The following AFTPH variants were observed in gnomAD, a reference collection of about 807,000 sequenced individuals.
AFTPH encodes aftiphilin protein.
AFTPH carries 7 observed loss-of-function variants against 72.5 expected under a neutral mutation model. The observed-to-expected ratio is 0.10, with a 90% CI of 0.05 to 0.18. AFTPH has a LOEUF of 0.18. Among genes scored for constraint, AFTPH ranks in the 10% least tolerant of loss-of-function variants. The pLI, the probability that AFTPH is intolerant of heterozygous loss-of-function variation, is 1.00. For missense variants in AFTPH, 979 were observed against 1,060.5 expected (o/e 0.92, Z 1.07); for synonymous variants, 337 against 370.1 (o/e 0.91, Z 1.03).
intron 1 of AFTPH, among the ~76,000 whole-genome samples, chr2:64,548,159 C>T (rs1330294341): frequency 5.7e-4 from 83 of 144,530 alleles, no homozygotes; most frequent in African/African-American, 1.9e-3. Flanking sequence ...TTTGGGAGGC[C>T]GAGGCGGGTG....
At chr2:64,585,535 A>G in exon 8 of AFTPH, 3 of 1,609,174 alleles carry the variant, frequency 1.9e-6, no homozygotes, top group Non-Finnish European at 2.5e-6. Flanking sequence ...GAAGACAAGC[A>G]CATCTACCAG....
intron 1 of AFTPH, among the ~76,000 whole-genome samples, chr2:64,549,211 T>A (rs1330397317): frequency 1.3e-5 from 2 of 152,122 alleles, no homozygotes; most frequent in Non-Finnish European, 2.9e-5. Flanking sequence ...GTAAACATTT[T>A]CCTCATGTAT....
intron 1 of AFTPH, among the ~76,000 whole-genome samples, chr2:64,526,912 A>G (rs976375911): frequency 3.3e-5 from 5 of 152,240 alleles, no homozygotes; most frequent in African/African-American, 9.6e-5. Flanking sequence ...ACTGAGGCAC[A>G]CAGATACTAA....
intron 1 of AFTPH, among the ~76,000 whole-genome samples, chr2:64,546,768 C>G (rs918713200): frequency 6.6e-6 from 1 of 152,056 alleles, no homozygotes; most frequent in Admixed American, 6.5e-5. Flanking sequence ...GGCATGGTGG[C>G]TCACGCCTGT....
rs776530763 is a variant in AFTPH at position 64,569,673 on chromosome 2, A to G, written c.2265A>G (p.Ala755=). Residue 755 remains alanine, a synonymous_variant, in exon 5 of 9, where the codon GCA becomes GCG. Transcript: ENST00000238856. ...CTGTTATAGTGCCCATGTATGCAGCAGGATTGGTAAGTACAAAAATCTCTC... is the reference window on the plus strand; with the variant it reads ...CTGTTATAGTGCCCATGTATGCAGCGGGATTGGTAAGTACAAAAATCTCTC... 26 of 1,613,638 alleles carry G rather than the reference A, an allele frequency of 1.6e-5. No homozygotes were observed. The Admixed American group carries it at 3.7e-4, about 23-fold the overall frequency.
chr2:64,584,185 T>A (rs1041776151), intron 7 of AFTPH, among the ~76,000 whole-genome samples: 19 of 149,056 alleles, frequency 1.3e-4, no homozygotes, highest in Admixed American at 5.4e-4. Context: ...GGATTAAAAA[T>A]TTTTTTTTTT....
intron 3 of AFTPH, among the ~76,000 whole-genome samples, chr2:64,568,865 G>A (rs951769795): frequency 4.5e-4 from 69 of 152,168 alleles, no homozygotes; most frequent in African/African-American, 1.5e-3. Flanking sequence ...GCCTGCCTCG[G>A]CCTCCCAAAT....
intron 6 of AFTPH, among the ~76,000 whole-genome samples, chr2:64,578,275 G>T (rs1020685206): frequency 6.6e-6 from 1 of 152,020 alleles, no homozygotes; most frequent in East Asian, 1.9e-4. Flanking sequence ...AAAATATAAA[G>T]TTTTAACAGT....
intron 5 of AFTPH, among the ~76,000 whole-genome samples, chr2:64,572,627 A>G (rs1672508929): frequency 6.6e-6 from 1 of 152,288 alleles, no homozygotes; most frequent in Non-Finnish European, 1.5e-5. Context: ...GTCTTGCTTT[A>G]AAAACTTTTG....
At chr2:64,536,183 G>A (rs1669873488) in intron 1 of AFTPH, among the ~76,000 whole-genome samples, 1 of 152,150 alleles carries the variant, frequency 6.6e-6, no homozygotes, top group South Asian at 2.1e-4. Flanking sequence ...CATTTGGGTA[G>A]GCAGATCAGG....
intron 2 of AFTPH, among the ~76,000 whole-genome samples, chr2:64,553,702 TAAAAAA>T (rs5831703): frequency 7.2e-6 from 1 of 139,294 alleles, no homozygotes; most frequent in Non-Finnish European, 1.6e-5. Flanking sequence ...CCATATATGT[TAAAAAA>T]AAAAAAAAAA....
At chr2:64,592,762 A>G (rs1673898673) in exon 9 of AFTPH, 1 of 152,556 alleles carries the variant, frequency 6.6e-6, no homozygotes, top group African/African-American at 2.4e-5. Flanking sequence ...TTTTTGTTCT[A>G]TTGTACCACT....
At chr2:64,534,094 G>A (rs1490691024) in intron 1 of AFTPH, among the ~76,000 whole-genome samples, 2 of 151,266 alleles carry the variant, frequency 1.3e-5, no homozygotes, top group Non-Finnish European at 2.9e-5. Context: ...TTTTCTTCTT[G>A]GTGATTGCTT....
rs184626629 is a variant in AFTPH at position 64,563,341 on chromosome 2, A to G, written c.1936-4221A>G. 7.2e-5 allele frequency among the ~76,000 whole-genome samples: 11 copies of G among 152,320 alleles called. No homozygotes were observed. In the East Asian group the frequency reaches 2.1e-3, roughly 29 times the overall value. ...ATGTACCCCCAAAAAATTTTTGAAA[A>G]ACAAATTTGAAACCTTTGCCACTCT... On this transcript the variant is annotated intron_variant, in intron 2 of 8. Transcript: ENST00000238856.
At chr2:64,568,502 C>T (rs1213863663) in intron 3 of AFTPH, among the ~76,000 whole-genome samples, 3 of 152,204 alleles carry the variant, frequency 2.0e-5, no homozygotes, top group Non-Finnish European at 2.9e-5. Flanking sequence ...TTTGGTGGAG[C>T]ATATCCTCCA....
intron 5 of AFTPH, among the ~76,000 whole-genome samples, chr2:64,571,550 G>T (rs1672432963): frequency 6.6e-6 from 1 of 152,188 alleles, no homozygotes; most frequent in Admixed American, 6.5e-5. Context: ...CCTTTCAGAT[G>T]TGCTACTGTT....
intron 1 of AFTPH, among the ~76,000 whole-genome samples, chr2:64,526,800 C>CA (rs1224100989): frequency 6.6e-6 from 1 of 152,126 alleles, no homozygotes; most frequent in East Asian, 1.9e-4. Flanking sequence ...TTCCTATGAG[C>CA]AAGATAGTTT....
chr2:64,568,902 G>A lies in AFTPH; in HGVS notation c.2088-190G>A, dbSNP rs181903534. 5.6e-3 allele frequency among the ~76,000 whole-genome samples: 847 copies of A among 152,280 alleles called. 11 individuals carry two copies. The highest frequency in any genetic ancestry group is 0.019 in the African/African-American group (787 of 41,572). ...GCTGGGATTACAGGCGTGAGCCACC[G>A]CACCCAGCCTTAGTTATTTTTCTAG... is the stretch of plus-strand genomic sequence containing the variant. On this transcript the variant is annotated intron_variant, in intron 3 of 8. Coordinates refer to ENST00000238856, the Ensembl canonical transcript of AFTPH.
intron 1 of AFTPH, among the ~76,000 whole-genome samples, chr2:64,539,804 A>T (rs544376544): frequency 5.3e-5 from 8 of 152,316 alleles, no homozygotes; most frequent in Middle Eastern, 3.4e-3. Context: ...GTAGCATGGA[A>T]GCCAGATTGT....
Sources: gnomAD v4.1 joint callset for allele counts (sites outside exome capture counted in the v4.1 genomes callset) on GRCh38, gnomAD v4.1.1 for gene constraint, MANE v1.5 for transcripts, NCBI Gene and HGNC (gene_info 2026-07-23, HGNC 2026-07-21) for gene names.